CABIN1: variants seen among roughly 807,000 people sequenced by gnomAD.
The protein encoded by CABIN1 is calcineurin-binding protein cabin-1.
In CABIN1, 133 loss-of-function variants were observed where a neutral mutation model predicts 227.7. The observed-to-expected ratio is 0.58, with a 90% CI of 0.51 to 0.67. The LOEUF (loss-of-function observed/expected upper bound fraction) is 0.67, where lower values mean the gene tolerates loss of function less well. Among genes scored for constraint, CABIN1 ranks in the 30% least tolerant of loss-of-function variants. CABIN1 has a pLI of 0.00. For synonymous variants in CABIN1, 1,086 were observed against 1,155.1 expected (o/e 0.94, Z 1.21); for missense variants, 2,408 against 2,852.5 (o/e 0.84, Z 3.55).
intron 26 of CABIN1, 86 bp from the exon 27 acceptor site, chr22:24,113,480 C>T (rs2042915402): frequency 7.9e-7 from 1 of 1,268,450 alleles, no homozygotes; most frequent in Non-Finnish European, 1.2e-6. Context: ...AGGCCACCGG[C>T]AGGGAGACTC....
chr22:24,064,731 C>T (rs575822824), intron 15 of CABIN1, among the ~76,000 whole-genome samples: 3 of 152,076 alleles, frequency 2.0e-5, no homozygotes, highest in African/African-American at 2.4e-5. Context: ...AACGAGCATG[C>T]TGCCTTCAAG....
intron 28 of CABIN1, among the ~76,000 whole-genome samples, chr22:24,121,339 C>T (rs868648072): frequency 2.0e-5 from 3 of 152,226 alleles, no homozygotes; most frequent in Non-Finnish European, 4.4e-5. Context: ...GACCGGTATG[C>T]TCATGTGACT....
chr22:24,020,383 G>A (rs2035636324), intron 1 of CABIN1, among the ~76,000 whole-genome samples: 1 of 152,098 alleles, frequency 6.6e-6, no homozygotes, highest in South Asian at 2.1e-4. Flanking sequence ...ATACAGTGGT[G>A]CAATTACTGC....
At position 24,168,457 on chromosome 22, in the gene CABIN1, A is replaced by G; in HGVS notation, c.5693A>G (p.Glu1898Gly). 1 of 1,571,542 alleles carries G rather than the reference A, an allele frequency of 6.4e-7. No homozygotes were observed. Among genetic ancestry groups the G allele is most frequent in the Non-Finnish European group, 8.6e-7 (1 of 1,158,274 alleles). Residue 1898 changes from glutamate (E) to glycine (G), a missense_variant, in exon 33 of 37, where the codon GAG becomes GGG. Glu to Gly is a moderately conservative substitution (Grantham distance 98). This residue lies in a region of CABIN1 where 714 missense variants were observed against 773.8 expected (regional missense o/e 0.92). Coordinates refer to ENST00000263119, the MANE Select transcript of CABIN1 (RefSeq NM_012295.4). ...CATCTCCCTGTTAAGGTGGATGAGG[A>G]GGCTGCGCTGGAGCAGGCTGTGAAG... ...TYMLIKQVDE[E>G]AALEQAVKFC...
In CABIN1 at chr22:24,166,650, C is replaced by T. The variant is rs2046462967; in HGVS notation, c.5019C>T (p.Arg1673=). The T allele has an allele frequency of 6.2e-7, 1 of 1,612,816 alleles. No individual in the cohort carries two copies. Among genetic ancestry groups the T allele is most frequent in the Non-Finnish European group, 8.5e-7 (1 of 1,179,972 alleles). ...TGGTTTCTTTGTAGGGGTCAGAACG[C>T]CCAGGGCCCAAGGTCTGTGGCCTCC... ...TLSELAEGSE[R]PGPKVCGLPG... Residue 1673 remains arginine (R), a synonymous_variant, in exon 32 of 37, where the codon CGC becomes CGT. Transcript: ENST00000263119.
At chr22:24,082,795 G>T (rs911338526) in intron 19 of CABIN1, among the ~76,000 whole-genome samples, 1 of 152,180 alleles carries the variant, frequency 6.6e-6, no homozygotes, top group East Asian at 1.9e-4. Context: ...TTTGTTTATA[G>T]TTTAACTTTA....
chr22:24,042,818 CTGTGTGTGTGTG>C lies in CABIN1; in HGVS notation c.346-38_346-27del, dbSNP rs56070926. 4.2e-3 allele frequency: 2,913 copies of C among 686,798 alleles called. 8 individuals carry two copies. Among genetic ancestry groups the C allele is most frequent in the African/African-American group, 0.014 (444 of 32,604 alleles). The allele number at this position is 686,798 out of a possible 1,614,324, so 42.5% of individuals were successfully genotyped here. A position where few individuals can be genotyped will look rare whatever the true frequency, so the allele number is the denominator to read the frequency against. ...GGTGCATATTCAAGGAGAGATCTGACTGTGTGTGTGTGTGTGTGTGTGTGTGTGTGTGTGTGT... is the reference window on the plus strand; with the variant it reads ...GGTGCATATTCAAGGAGAGATCTGACTGTGTGTGTGTGTGTGTGTGTGTGT... On this transcript the variant is annotated intron_variant, in intron 5 of 36. Transcript: ENST00000263119.
intron 9 of CABIN1, 122 bp downstream of exon 9, chr22:24,055,281 A>C (rs1173233809): frequency 8.5e-7 from 1 of 1,171,672 alleles, no homozygotes; most frequent in Non-Finnish European, 1.2e-6. Context: ...TCATGACTCA[A>C]GTGGAAGTGG....
chr22:24,143,849 C>T (rs1475947296), intron 29 of CABIN1, among the ~76,000 whole-genome samples: 3 of 152,312 alleles, frequency 2.0e-5, no homozygotes, highest in Admixed American at 6.5e-5. Flanking sequence ...CATCAGAGGC[C>T]TCGCTCTTCC....
At chr22:24,160,819 A>C (rs953116357) in intron 29 of CABIN1, among the ~76,000 whole-genome samples, 2 of 152,238 alleles carry the variant, frequency 1.3e-5, no homozygotes, top group African/African-American at 4.8e-5. Flanking sequence ...GCCCCCAGGC[A>C]CTTCACCCTG....
chr22:24,171,819 C>G lies in CABIN1; in HGVS notation c.5864C>G (p.Ser1955Cys). 5.6e-6 allele frequency: 9 copies of G among 1,614,162 alleles called. No homozygotes were observed. The highest frequency in any genetic ancestry group is 7.6e-6 in the Non-Finnish European group (9 of 1,180,040). ...PTAPDPVPAD[S>C]VQRPSDAHTK... ...GCCCCTGACCCTGTGCCAGCTGACT[C>G]TGTCCAGCGGCCCAGTGATGCTCAC... is the stretch of plus-strand genomic sequence containing the variant. Residue 1955 changes from serine (S) to cysteine (C), a missense_variant, in exon 34 of 37, where the codon TCT (serine) becomes TGT (cysteine). Ser to Cys is a moderately radical substitution (Grantham distance 112). This residue lies in a region of CABIN1 where 714 missense variants were observed against 773.8 expected (regional missense o/e 0.92). Transcript: ENST00000263119.
intron 10 of CABIN1, 90 bp downstream of exon 10, chr22:24,056,450 C>A: frequency 8.1e-7 from 1 of 1,242,000 alleles, no homozygotes; most frequent in Non-Finnish European, 1.2e-6. Context: ...TTGCCACCCT[C>A]TTCTCTGGTC....
chr22:24,022,458 T>A (rs760372351), intron 1 of CABIN1, among the ~76,000 whole-genome samples: 1 of 152,224 alleles, frequency 6.6e-6, no homozygotes, highest in Non-Finnish European at 1.5e-5. Context: ...TTCCTTCACA[T>A]TAGTAGTAGT....
At chr22:24,101,304 C>T (rs1860211057) in intron 26 of CABIN1, among the ~76,000 whole-genome samples, 1 of 152,190 alleles carries the variant, frequency 6.6e-6, no homozygotes, top group South Asian at 2.1e-4. Context: ...AAAAATAGCT[C>T]CAGGTACATG....
chr22:24,163,082 T>C (rs902153805), intron 29 of CABIN1, among the ~76,000 whole-genome samples: 1 of 152,172 alleles, frequency 6.6e-6, no homozygotes, highest in East Asian at 1.9e-4. Context: ...GCAGCATTGA[T>C]GTTTGCTGCC....
intron 19 of CABIN1, among the ~76,000 whole-genome samples, chr22:24,080,265 C>T (rs2040720466): frequency 6.6e-6 from 1 of 152,108 alleles, no homozygotes; most frequent in Non-Finnish European, 1.5e-5. Context: ...GAGTCTTGTC[C>T]GTTCCTGACA....
chr22:24,038,941 A>T (rs2037140386), intron 4 of CABIN1, among the ~76,000 whole-genome samples: 1 of 152,210 alleles, frequency 6.6e-6, no homozygotes, highest in African/African-American at 2.4e-5. Flanking sequence ...TAGACATGCC[A>T]TGCAATTTTG....
intron 3 of CABIN1, among the ~76,000 whole-genome samples, chr22:24,037,088 C>T (rs528845277): frequency 7.9e-5 from 12 of 151,950 alleles, no homozygotes; most frequent in African/African-American, 2.7e-4. Context: ...GGTGAAACCC[C>T]GTCTCTACTC....
chr22:24,090,612 G>A lies in CABIN1; in HGVS notation c.3526-971G>A, dbSNP rs2041483079. On this transcript the variant is annotated intron_variant, in intron 23 of 36. Coordinates refer to ENST00000263119, the MANE Select transcript of CABIN1 (RefSeq NM_012295.4). ...TCAGTCCTGGGGCCATTGCTACAGGGTTTTCACATAAACAAGCACCCACTG... is the reference window on the plus strand; with the variant it reads ...TCAGTCCTGGGGCCATTGCTACAGGATTTTCACATAAACAAGCACCCACTG... Among the ~76,000 whole-genome samples, 2 of 151,272 alleles carry A rather than the reference G, an allele frequency of 1.3e-5. 1 individual carries two copies. The highest frequency in any genetic ancestry group is 4.2e-4 in the South Asian group (2 of 4,776).
Sources: gnomAD v4.1 joint callset for allele counts (sites outside exome capture counted in the v4.1 genomes callset) on GRCh38, gnomAD v4.1.1 for gene constraint, gnomAD v4.1.1 regional missense constraint, MANE v1.5 for transcripts, NCBI Gene and HGNC (gene_info 2026-07-23, HGNC 2026-07-21) for gene names.